Variants in TOPAZ1 observed in about 807,000 individuals in gnomAD.
TOPAZ1 encodes the protein protein TOPAZ1.
Under a neutral mutation model 172.2 loss-of-function variants are expected in TOPAZ1, and 66 were observed. The ratio of observed to expected loss-of-function variants is 0.38; its 90% CI spans 0.31 to 0.47. The LOEUF (loss-of-function observed/expected upper bound fraction) is 0.47. Ranked by LOEUF, TOPAZ1 falls within the 20% of genes least tolerant of loss-of-function variation. TOPAZ1 has a pLI of 0.99. For missense variants in TOPAZ1, 1,822 were observed against 1,972.4 expected (o/e 0.92, Z 1.44); for synonymous variants, 681 against 683.9 (o/e 1.00, Z 0.07).
chr3:44,273,129 A>G (rs1205626773), intron 8 of TOPAZ1, among the ~76,000 whole-genome samples: 1 of 152,188 alleles, frequency 6.6e-6, no homozygotes, highest in East Asian at 1.9e-4. Context: ...TCTATAAGAA[A>G]TCCCACTGTT....
intron 12 of TOPAZ1, among the ~76,000 whole-genome samples, chr3:44,296,847 C>CAAAAAAAAAA (rs141080618): frequency 5.9e-4 from 62 of 104,672 alleles, no homozygotes; most frequent in African/African-American, 9.5e-4. Flanking sequence ...CAGAGAATAC[C>CAAAAAAAAAA]AAAAAAAAAA....
At chr3:44,251,142 A>G (rs1699625545) in intron 2 of TOPAZ1, among the ~76,000 whole-genome samples, 1 of 151,988 alleles carries the variant, frequency 6.6e-6, no homozygotes, top group Middle Eastern at 3.2e-3. Context: ...TTTGAGAGAG[A>G]AAGGGTCTTG....
intron 16 of TOPAZ1, among the ~76,000 whole-genome samples, chr3:44,318,718 T>C (rs1700478134): frequency 6.6e-6 from 1 of 150,716 alleles, no homozygotes; most frequent in Non-Finnish European, 1.5e-5. Flanking sequence ...AGGGGACTCA[T>C]TTCCCAGCAC....
chr3:44,327,086 T>G (rs1700608503), intron 18 of TOPAZ1, among the ~76,000 whole-genome samples: 1 of 152,154 alleles, frequency 6.6e-6, no homozygotes, highest in Non-Finnish European at 1.5e-5. Flanking sequence ...CATGCAAGCT[T>G]AGAGAGCCTG....
rs1488882692 is a variant in TOPAZ1 at position 44,244,015 on chromosome 3, T to G, written c.1509T>G (p.Ser503=). ...TWPYYSCARI[S]AWCWKKASLP... The stretch of plus-strand genomic sequence containing the variant: ...CCTATTATTCATGTGCTAGAATATC[T>G]GCCTGGTGTTGGAAAAAGGCTTCCT... The change falls in exon 2 of 20, where the codon TCT becomes TCG. Residue 503 remains serine (S), a synonymous_variant. Coordinates refer to ENST00000309765, the MANE Select transcript of TOPAZ1 (RefSeq NM_001145030.2). The G allele has an allele frequency of 1.3e-6, 2 of 1,552,116 alleles. No homozygotes were observed.
At chr3:44,332,990 G>A (rs973179917), downstream of TOPAZ1, among the ~76,000 whole-genome samples, 1 of 148,978 alleles carries the variant, frequency 6.7e-6, no homozygotes, top group Non-Finnish European at 1.5e-5. Context: ...TGTTTTTTTT[G>A]TGGTTTTTTT....
intron 12 of TOPAZ1, among the ~76,000 whole-genome samples, chr3:44,301,670 C>T (rs2125698477): frequency 6.6e-6 from 1 of 152,152 alleles, no homozygotes; most frequent in Non-Finnish European, 1.5e-5. Flanking sequence ...TTTATGTGAA[C>T]TCTTCACTCT....
At chr3:44,258,712 T>G (rs1440062933) in intron 4 of TOPAZ1, among the ~76,000 whole-genome samples, 1 of 152,246 alleles carries the variant, frequency 6.6e-6, no homozygotes, top group Non-Finnish European at 1.5e-5. Flanking sequence ...AGCTATTTGC[T>G]CATTGATGGA....
intron 2 of TOPAZ1, among the ~76,000 whole-genome samples, chr3:44,249,837 A>G (rs1246713932): frequency 1.3e-5 from 2 of 152,198 alleles, no homozygotes; most frequent in Non-Finnish European, 2.9e-5. Context: ...AGTGGGAAAT[A>G]AGATTTTATA....
At chr3:44,311,265 T>C (rs1217448478) in intron 16 of TOPAZ1, among the ~76,000 whole-genome samples, 2 of 152,182 alleles carry the variant, frequency 1.3e-5, no homozygotes, top group Admixed American at 6.5e-5. Context: ...AAGGTATTCT[T>C]CAACTTAAAC....
intron 2 of TOPAZ1, among the ~76,000 whole-genome samples, chr3:44,248,101 T>A (rs2125677163): frequency 6.6e-6 from 1 of 152,364 alleles, no homozygotes; most frequent in East Asian, 1.9e-4. Context: ...AAATTCTTAG[T>A]TTACATATTT....
intron 16 of TOPAZ1, among the ~76,000 whole-genome samples, chr3:44,317,095 G>C (rs567014047): frequency 4.6e-5 from 7 of 152,270 alleles, no homozygotes; most frequent in African/African-American, 1.4e-4. Context: ...TTTTAATACA[G>C]TTCTGTAGGA....
intron 5 of TOPAZ1, among the ~76,000 whole-genome samples, chr3:44,266,578 C>G (rs1286203696): frequency 6.6e-6 from 1 of 152,032 alleles, no homozygotes; most frequent in African/African-American, 2.4e-5. Context: ...ATAGGGAAGC[C>G]TAAGGAGAGG....
chr3:44,241,984 C>T lies in TOPAZ1; in HGVS notation c.-70C>T, dbSNP rs1328661448. 5.0e-6 allele frequency: 7 copies of T among 1,403,212 alleles called. No individual in the cohort carries two copies. The highest frequency in any genetic ancestry group is 2.9e-6 in the Non-Finnish European group (3 of 1,037,422). 86.9% of individuals were successfully genotyped at this position (1,403,212 alleles called of 1,614,324 possible). On this transcript the variant is annotated 5_prime_UTR_variant, in exon 1 of 20. Transcript: ENST00000309765. ...GGCAGTAGGTACCTCCAGGCGGGAG[C>T]AGCGTTTGCACCGCGGTGGGTTCCT...
At chr3:44,284,676 G>T (rs985321106) in intron 9 of TOPAZ1, among the ~76,000 whole-genome samples, 1 of 152,026 alleles carries the variant, frequency 6.6e-6, no homozygotes, top group African/African-American at 2.4e-5. Flanking sequence ...TTTTATATTT[G>T]AATTTCCACA....
intron 16 of TOPAZ1, among the ~76,000 whole-genome samples, chr3:44,311,978 A>AT (rs202099603): frequency 1.1e-4 from 17 of 151,214 alleles, no homozygotes; most frequent in South Asian, 2.1e-4. Flanking sequence ...TTTAAAACAC[A>AT]TTTTTTTTTC....
intron 13 of TOPAZ1, 72 bp from the exon 14 acceptor site, chr3:44,305,075 A>G: frequency 8.6e-7 from 1 of 1,160,730 alleles, no homozygotes; most frequent in African/African-American, 1.6e-5. Flanking sequence ...CTTTGCCCTA[A>G]AGACATGTTT....
intron 12 of TOPAZ1, among the ~76,000 whole-genome samples, chr3:44,301,847 A>T (rs1700275532): frequency 6.6e-6 from 1 of 152,068 alleles, no homozygotes; most frequent in Non-Finnish European, 1.5e-5. Flanking sequence ...CCATGCAAAA[A>T]GTTTTATTTT....
At chr3:44,323,942 A>T (rs1400916634) in intron 18 of TOPAZ1, among the ~76,000 whole-genome samples, 2 of 152,188 alleles carry the variant, frequency 1.3e-5, no homozygotes, top group Non-Finnish European at 2.9e-5. Context: ...TTCATGCAGT[A>T]ATTTGTCTTC....
Sources: gnomAD v4.1 joint callset for allele counts (sites outside exome capture counted in the v4.1 genomes callset) on GRCh38, gnomAD v4.1.1 for gene constraint, MANE v1.5 for transcripts, NCBI Gene and HGNC (gene_info 2026-07-23, HGNC 2026-07-21) for gene names.